The following PPP1R12A variants were observed in gnomAD, a reference collection of about 807,000 sequenced individuals.
The protein encoded by PPP1R12A is protein phosphatase 1 regulatory subunit 12A.
PPP1R12A carries 19 observed loss-of-function variants against 139.6 expected under a neutral mutation model. That is an observed-to-expected ratio of 0.14 (90% CI 0.09 to 0.20). PPP1R12A has a LOEUF of 0.20. Among genes scored for constraint, PPP1R12A ranks in the 10% least tolerant of loss-of-function variants. PPP1R12A has a pLI of 1.00. For missense variants in PPP1R12A, 925 were observed against 1,211.5 expected (o/e 0.76, Z 3.51); for synonymous variants, 427 against 420.6 (o/e 1.02, Z -0.19).
At chr12:79,818,482 A>G (rs1021079870) in intron 8 of PPP1R12A, among the ~76,000 whole-genome samples, 1 of 152,202 alleles carries the variant, frequency 6.6e-6, no homozygotes, top group East Asian at 1.9e-4. Context: ...AGCTTAAGCA[A>G]TCCTCCAGAC....
At chr12:79,916,662 C>T (rs1439687598) in intron 1 of PPP1R12A, among the ~76,000 whole-genome samples, 2 of 152,118 alleles carry the variant, frequency 1.3e-5, no homozygotes, top group African/African-American at 4.8e-5. Context: ...CCATTATTTG[C>T]TTAGAATACT....
chr12:79,916,118 G>A (rs1290317214), intron 1 of PPP1R12A, among the ~76,000 whole-genome samples: 2 of 152,000 alleles, frequency 1.3e-5, no homozygotes, highest in African/African-American at 4.8e-5. Flanking sequence ...TTTTGCCAGT[G>A]TAGAGTAGAA....
At chr12:79,789,341 AC>A (rs1252025533) in intron 20 of PPP1R12A, among the ~76,000 whole-genome samples, 3 of 152,148 alleles carry the variant, frequency 2.0e-5, no homozygotes, top group African/African-American at 7.2e-5. Flanking sequence ...TAAATTGTAC[AC>A]TTCCTCCCAC....
At chr12:79,885,584 T>C (rs1884029294) in intron 1 of PPP1R12A, among the ~76,000 whole-genome samples, 1 of 152,120 alleles carries the variant, frequency 6.6e-6, no homozygotes, top group Non-Finnish European at 1.5e-5. Flanking sequence ...AAGAAAATCT[T>C]AGGGATTACA....
chr12:79,830,773 A>G (rs1347512455), intron 4 of PPP1R12A, among the ~76,000 whole-genome samples: 1 of 152,178 alleles, frequency 6.6e-6, no homozygotes, highest in Non-Finnish European at 1.5e-5. Context: ...TCCAAGTTGA[A>G]GAGATGGTGA....
At chr12:79,847,952 C>T (rs529056213) in intron 2 of PPP1R12A, among the ~76,000 whole-genome samples, 17 of 152,274 alleles carry the variant, frequency 1.1e-4, no homozygotes, top group Middle Eastern at 6.8e-3. Context: ...TTTACACACA[C>T]ACACACCCTC....
At chr12:79,794,363 G>A (rs1258383491) in intron 18 of PPP1R12A, among the ~76,000 whole-genome samples, 2 of 151,876 alleles carry the variant, frequency 1.3e-5, no homozygotes, top group African/African-American at 2.4e-5. Flanking sequence ...TGGACAATGC[G>A]AAGATACTAA....
At chr12:79,878,780 T>C (rs2137366163) in intron 1 of PPP1R12A, among the ~76,000 whole-genome samples, 1 of 152,120 alleles carries the variant, frequency 6.6e-6, no homozygotes, top group Non-Finnish European at 1.5e-5. Context: ...AGCATGGGGG[T>C]AACTGCCCCC....
chr12:79,869,951 A>C (rs1882396341), intron 2 of PPP1R12A, among the ~76,000 whole-genome samples: 1 of 147,980 alleles, frequency 6.8e-6, no homozygotes, highest in Non-Finnish European at 1.5e-5. Flanking sequence ...GCTTTCTTTC[A>C]TGCCTATAAA....
chr12:79,825,993 T>C (rs1244034074), intron 5 of PPP1R12A, among the ~76,000 whole-genome samples: 1 of 152,028 alleles, frequency 6.6e-6, no homozygotes, highest in Non-Finnish European at 1.5e-5. Flanking sequence ...TTTAGAATGC[T>C]ATAGACATTA....
intron 1 of PPP1R12A, among the ~76,000 whole-genome samples, chr12:79,891,703 G>C (rs1020517348): frequency 6.6e-6 from 1 of 152,114 alleles, no homozygotes; most frequent in Non-Finnish European, 1.5e-5. Flanking sequence ...TCTGAGATTA[G>C]GTTATAAAAA....
At chr12:79,893,415 T>G (rs1437649710) in intron 1 of PPP1R12A, among the ~76,000 whole-genome samples, 1 of 152,164 alleles carries the variant, frequency 6.6e-6, no homozygotes, top group Non-Finnish European at 1.5e-5. Context: ...TTCTCCCCCT[T>G]CTGCCTCCAC....
intron 2 of PPP1R12A, among the ~76,000 whole-genome samples, chr12:79,868,443 T>A (rs1165046358): frequency 6.6e-6 from 1 of 152,202 alleles, no homozygotes; most frequent in Non-Finnish European, 1.5e-5. Flanking sequence ...ACTACCATAA[T>A]AAAATGCCAC....
intron 1 of PPP1R12A, among the ~76,000 whole-genome samples, chr12:79,891,487 T>C (rs1372377185): frequency 6.6e-6 from 1 of 152,128 alleles, no homozygotes; most frequent in Non-Finnish European, 1.5e-5. Context: ...GCATAATAAA[T>C]AGGAACCAAC....
rs752188875 is a variant in PPP1R12A, at chr12:79,820,874, T to C, written c.1014A>G (p.Glu338=). Residue 338 remains glutamate (E), a synonymous_variant, in exon 8 of 25, where the codon GAA becomes GAG. Coordinates refer to ENST00000450142, the MANE Select transcript of PPP1R12A (RefSeq NM_002480.3). The stretch of plus-strand genomic sequence containing the variant: ...CTTCTTCTTCATCAACCTTTTCTTG[T>C]TCCAGAGATTCAATACGGGATGCAT... ...EKNASRIESL[E]QEKVDEEEEG... 11 of 1,613,550 alleles carry C rather than the reference T, an allele frequency of 6.8e-6. No homozygotes were observed. In the Admixed American group the frequency reaches 8.3e-5, roughly 12 times the overall value.
chr12:79,899,801 A>G (rs1885467155), intron 1 of PPP1R12A, among the ~76,000 whole-genome samples: 1 of 152,192 alleles, frequency 6.6e-6, no homozygotes. Context: ...ATCTTTACAA[A>G]GCAATTGTAC....
intron 2 of PPP1R12A, among the ~76,000 whole-genome samples, chr12:79,855,740 G>C (rs528074166): frequency 6.6e-6 from 1 of 151,758 alleles, no homozygotes; most frequent in South Asian, 2.1e-4. Flanking sequence ...AGTTAAGTGA[G>C]ATAAAGACTA....
At chr12:79,882,747 T>G (rs567405615) in intron 1 of PPP1R12A, among the ~76,000 whole-genome samples, 2 of 152,220 alleles carry the variant, frequency 1.3e-5, no homozygotes, top group East Asian at 3.9e-4. Context: ...GAAGAGTCAG[T>G]TGATGAGGGA....
At chr12:79,871,777 G>A (rs983207064) in intron 2 of PPP1R12A, among the ~76,000 whole-genome samples, 5 of 151,956 alleles carry the variant, frequency 3.3e-5, no homozygotes, top group African/African-American at 4.8e-5. Flanking sequence ...GAGATTGAGC[G>A]GGAAAAGTAC....
Sources: allele counts gnomAD v4.1 joint callset (sites outside exome capture counted in the v4.1 genomes callset), GRCh38; gene constraint gnomAD v4.1.1; transcripts MANE v1.5; gene names NCBI Gene and HGNC (gene_info 2026-07-23, HGNC 2026-07-21).